Variants in ZNF487 observed in about 807,000 individuals in gnomAD.
ZNF487 encodes KRAB domain only 1.
Under a neutral mutation model 3.0 loss-of-function variants are expected in ZNF487, and 4 were observed. The observed-to-expected ratio is 1.35, with a 90% CI of 0.66 to 3.08. ZNF487 has a LOEUF of 3.08. ZNF487 is among the 30% of genes most tolerant of loss of function. The pLI, the probability that ZNF487 is intolerant of heterozygous loss-of-function variation, is 0.01. For synonymous variants in ZNF487, 55 were observed against 34.6 expected (o/e 1.59, Z -2.06); for missense variants, 146 against 98.7 (o/e 1.48, Z -2.03).
chr10:43,479,846 G>A (rs530435273), intron 3 of ZNF487, among the ~76,000 whole-genome samples: 5 of 151,958 alleles, frequency 3.3e-5, no homozygotes, highest in East Asian at 1.9e-4. Flanking sequence ...TACTAGAGAC[G>A]GGGTTTGCCG....
At chr10:43,485,722 A>G (rs1182915212), downstream of ZNF487, among the ~76,000 whole-genome samples, 2 of 152,244 alleles carry the variant, frequency 1.3e-5, no homozygotes, top group Non-Finnish European at 2.9e-5. Context: ...CATAAGTCAC[A>G]TAGTAACATT....
chr10:43,468,988 CAAAAAAAA>C (rs59076073), intron 1 of ZNF487, among the ~76,000 whole-genome samples: 13 of 60,928 alleles, frequency 2.1e-4, no homozygotes, highest in Middle Eastern at 0.017. Flanking sequence ...GACTCTATCT[CAAAAAAAA>C]AAAAAAAAAA....
chr10:43,485,666 A>C (rs1841464748), downstream of ZNF487, among the ~76,000 whole-genome samples: 1 of 152,230 alleles, frequency 6.6e-6, no homozygotes, highest in Non-Finnish European at 1.5e-5. Context: ...TTAGTAGAGT[A>C]ACCACTAGCC....
chr10:43,490,466 C>T, the ZNF487 span, among the ~76,000 whole-genome samples: 83 of 133,244 alleles, frequency 6.2e-4, no homozygotes, highest in African/African-American at 2.3e-3. Context: ...TTAGTTCTTA[C>T]TGTTATAGCC....
At chr10:43,496,090 G>T in the ZNF487 span, 1 of 533,784 alleles carries the variant, frequency 1.9e-6, no homozygotes, top group Admixed American at 1.9e-5. Context: ...CTATTGAGAG[G>T]ACCCTGTACA....
chr10:43,475,470 A>G (rs1841060387), intron 1 of ZNF487, among the ~76,000 whole-genome samples: 1 of 151,880 alleles, frequency 6.6e-6, no homozygotes, highest in South Asian at 2.1e-4. Context: ...AGTTGTGATC[A>G]TGCCACAGCA....
the ZNF487 span, among the ~76,000 whole-genome samples, chr10:43,491,929 T>TTTTG: frequency 6.6e-6 from 1 of 151,728 alleles, no homozygotes; most frequent in South Asian, 2.1e-4. Context: ...TTTTGTTTTA[T>TTTTG]TTTGTTTGTT....
At chr10:43,493,377 CTTTGTA>C in the ZNF487 span, among the ~76,000 whole-genome samples, 18 of 151,922 alleles carry the variant, frequency 1.2e-4, no homozygotes, top group Non-Finnish European at 1.9e-4. Context: ...TATTCTCTGT[CTTTGTA>C]TTTGAACTCT....
chr10:43,517,566 G>A, the ZNF487 span, among the ~76,000 whole-genome samples: 2 of 152,188 alleles, frequency 1.3e-5, no homozygotes, highest in African/African-American at 4.8e-5. Flanking sequence ...TGCCCTCTTT[G>A]ACATTGCACT....
intron 1 of ZNF487, among the ~76,000 whole-genome samples, chr10:43,455,043 C>T (rs1194560834): frequency 7.1e-6 from 1 of 141,448 alleles, no homozygotes; most frequent in Admixed American, 7.3e-5. Context: ...CAGTCTCGCT[C>T]TGTTGCCCCG....
chr10:43,511,476 C>G, the ZNF487 span, among the ~76,000 whole-genome samples: 5 of 152,312 alleles, frequency 3.3e-5, no homozygotes, highest in East Asian at 9.7e-4. Flanking sequence ...AGTGTCTATT[C>G]TAATGACGAC....
At chr10:43,520,044 G>A in the ZNF487 span, among the ~76,000 whole-genome samples, 2 of 152,034 alleles carry the variant, frequency 1.3e-5, no homozygotes, top group African/African-American at 4.8e-5. Context: ...ATACATTTTA[G>A]GTTACAGCTG....
chr10:43,490,704 C>T, the ZNF487 span, among the ~76,000 whole-genome samples: 1 of 137,588 alleles, frequency 7.3e-6, no homozygotes, highest in African/African-American at 2.9e-5. Context: ...GATGGAATTT[C>T]ACTCTTGTTG....
intron 1 of ZNF487, among the ~76,000 whole-genome samples, chr10:43,467,215 C>G (rs371561409): frequency 6.0e-5 from 9 of 151,232 alleles, no homozygotes; most frequent in East Asian, 5.9e-4. Flanking sequence ...TTTTATTTTT[C>G]TTTTTTTGAG....
the ZNF487 span, among the ~76,000 whole-genome samples, chr10:43,512,706 G>A: frequency 6.6e-6 from 1 of 152,320 alleles, no homozygotes; most frequent in African/African-American, 2.4e-5. Flanking sequence ...AAGTGGCAGA[G>A]CAGCTTGCAC....
the ZNF487 span, among the ~76,000 whole-genome samples, chr10:43,507,677 T>C: frequency 1.3e-5 from 2 of 152,210 alleles, no homozygotes. Flanking sequence ...GGGCTAAGCT[T>C]GTAATGGCAC....
intron 1 of ZNF487, among the ~76,000 whole-genome samples, chr10:43,474,160 CA>C (rs111998607): frequency 4.1e-4 from 59 of 142,466 alleles, no homozygotes; most frequent in African/African-American, 5.3e-4. Context: ...GACCGTGTTT[CA>C]AAAAAAAAAA....
At chr10:43,510,776 G>T in the ZNF487 span, among the ~76,000 whole-genome samples, 1 of 152,202 alleles carries the variant, frequency 6.6e-6, no homozygotes, top group Non-Finnish European at 1.5e-5. Flanking sequence ...TCAAACTCCT[G>T]ACCTCATGAT....
intron 1 of ZNF487, among the ~76,000 whole-genome samples, chr10:43,455,225 A>G (rs1422848852): frequency 6.6e-6 from 1 of 151,752 alleles, no homozygotes; most frequent in Non-Finnish European, 1.5e-5. Flanking sequence ...GTTAGCCAGG[A>G]TGGTCTCGAT....
Sources: allele counts gnomAD v4.1 joint callset (sites outside exome capture counted in the v4.1 genomes callset), GRCh38; gene constraint gnomAD v4.1.1; transcripts MANE v1.5; gene names NCBI Gene and HGNC (gene_info 2026-07-23, HGNC 2026-07-21).